Variants in ITPR1 observed in about 807,000 individuals in gnomAD.
ITPR1 encodes the protein inositol 1,4,5-trisphosphate-gated calcium channel ITPR1.
Under a neutral mutation model 318.4 loss-of-function variants are expected in ITPR1, and 96 were observed. The observed-to-expected ratio is 0.30, with a 90% CI of 0.26 to 0.36. The LOEUF (loss-of-function observed/expected upper bound fraction) is 0.36, where lower values mean the gene tolerates loss of function less well. Ranked by LOEUF, ITPR1 falls within the 10% of genes least tolerant of loss-of-function variation. The probability of loss-of-function intolerance (pLI) is 1.00; values close to 1 mark genes in which losing one functional copy is unlikely to be tolerated. For synonymous variants in ITPR1, 1,312 were observed against 1,289.9 expected, an observed-to-expected ratio of 1.02 and a Z score of -0.37; for missense variants, 2,440 against 3,460.2, an observed-to-expected ratio of 0.71 and a Z score of 7.40.
At chr3:4,719,305 A>G (rs2041984381) in intron 40 of ITPR1, among the ~76,000 whole-genome samples, 1 of 152,246 alleles carries the variant, frequency 6.6e-6, no homozygotes, top group Non-Finnish European at 1.5e-5. Flanking sequence ...TGGGACACCG[A>G]TGCCCTGTCC....
At position 4,551,926 on chromosome 3, in the gene ITPR1, A is replaced by G. The variant is rs1242934817; in HGVS notation, c.163+30832A>G. 3.3e-5 allele frequency among the ~76,000 whole-genome samples: 5 copies of G among 152,168 alleles called. No individual in the cohort carries two copies. In the South Asian group the frequency reaches 6.2e-4, roughly 19 times the overall value. On this transcript the variant is annotated intron_variant, in intron 4 of 61. Transcript: ENST00000649015. ...TTTAATAGAAAAGATAATTTGATTGACTCTAACGAACATTTATTACATATG... is the reference window on the plus strand; with the variant it reads ...TTTAATAGAAAAGATAATTTGATTGGCTCTAACGAACATTTATTACATATG...
chr3:4,837,004 C>G, intron 61 of ITPR1, 69 bp downstream of exon 61: 1 of 1,331,404 alleles, frequency 7.5e-7, no homozygotes, highest in Non-Finnish European at 1.0e-6. Context: ...ATCACCACAC[C>G]AAATCTGATG....
chr3:4,561,511 C>T (rs1006579520), intron 4 of ITPR1, among the ~76,000 whole-genome samples: 17 of 152,018 alleles, frequency 1.1e-4, no homozygotes, highest in African/African-American at 2.2e-4. Context: ...GTCCTAAGAA[C>T]GAAACTCACT....
intron 4 of ITPR1, among the ~76,000 whole-genome samples, chr3:4,620,389 C>T (rs986424277): frequency 6.6e-6 from 1 of 152,198 alleles, no homozygotes; most frequent in Admixed American, 6.5e-5. Context: ...ACACAGGGGT[C>T]TGACTGCTCT....
chr3:4,710,781 G>T lies in ITPR1; in HGVS notation c.4991+308G>T, dbSNP rs1029545340. On this transcript the variant is annotated intron_variant, in intron 38 of 61. Transcript: ENST00000649015. The surrounding 1 kb of genome is among the most constrained non-coding windows in gnomAD (Gnocchi z 4.2). ...TGTGGTACAGACATAAAAAAGCCAT[G>T]ATCCCTCAGCCCTCAGAAATCTCAG... Among the ~76,000 whole-genome samples, 1 of 152,168 alleles carries T rather than the reference G, an allele frequency of 6.6e-6. No homozygotes were observed. Among genetic ancestry groups the T allele is most frequent in the African/African-American group, 2.4e-5 (1 of 41,432 alleles).
At chr3:4,796,088 T>G (rs965370427) in intron 53 of ITPR1, among the ~76,000 whole-genome samples, 8 of 152,148 alleles carry the variant, frequency 5.3e-5, no homozygotes. Context: ...CTCCACTCTT[T>G]AGCTTAATCA....
chr3:4,609,051 A>ATATATATATATATAT (rs2091904931), intron 4 of ITPR1, among the ~76,000 whole-genome samples: 1 of 46,540 alleles, frequency 2.1e-5, no homozygotes, highest in African/African-American at 5.4e-5. Context: ...ACAACAACGA[A>ATATATATATATATAT]ATATATATAT....
chr3:4,755,145 G>C (rs1367017508), intron 44 of ITPR1, among the ~76,000 whole-genome samples: 2 of 151,590 alleles, frequency 1.3e-5, no homozygotes, highest in African/African-American at 4.9e-5. Flanking sequence ...ACACCATCAG[G>C]GGCTTCCTAC....
At chr3:4,513,281 C>T (rs1201408154) in intron 2 of ITPR1, among the ~76,000 whole-genome samples, 1 of 152,210 alleles carries the variant, frequency 6.6e-6, no homozygotes, top group Non-Finnish European at 1.5e-5. Flanking sequence ...CAGGACATCA[C>T]TGATAATTGC....
chr3:4,674,069 G>A, intron 21 of ITPR1, 133 bp from the exon 22 acceptor site: 1 of 652,108 alleles, frequency 1.5e-6, no homozygotes, highest in South Asian at 2.1e-5. Context: ...ATATGCTAAG[G>A]AGGGAAAAAA....
At chr3:4,653,778 A>C (rs1449653705) in intron 11 of ITPR1, 64 bp from the exon 12 acceptor site, 7 of 1,217,168 alleles carry the variant, frequency 5.8e-6, no homozygotes, top group Non-Finnish European at 7.2e-6. Context: ...GTCTCCTGCA[A>C]GTGGGGCCCA....
chr3:4,807,154 AAG>A (rs1332601493), intron 55 of ITPR1, among the ~76,000 whole-genome samples: 2 of 17,880 alleles, frequency 1.1e-4, no homozygotes, highest in Admixed American at 1.8e-3. Flanking sequence ...GGGACTTACA[AAG>A]AGAGGGGGGC....
chr3:4,583,494 A>G (rs1287457218), intron 4 of ITPR1, among the ~76,000 whole-genome samples: 1 of 152,082 alleles, frequency 6.6e-6, no homozygotes, highest in African/African-American at 2.4e-5. Context: ...TCCTTGGCAA[A>G]ATGTTTTTCC....
intron 7 of ITPR1, among the ~76,000 whole-genome samples, chr3:4,643,386 T>G (rs2093381327): frequency 6.6e-6 from 1 of 152,228 alleles, no homozygotes; most frequent in Non-Finnish European, 1.5e-5. Flanking sequence ...TCCTTTGGTT[T>G]CCTATCCTTT....
chr3:4,816,867 C>G (rs1160992008), intron 59 of ITPR1, among the ~76,000 whole-genome samples: 1 of 152,084 alleles, frequency 6.6e-6, no homozygotes, highest in African/African-American at 2.4e-5. Flanking sequence ...TGATGGTTGC[C>G]CAATGATGAT....
chr3:4,753,432 G>A (rs999033262), intron 44 of ITPR1, among the ~76,000 whole-genome samples: 7 of 152,240 alleles, frequency 4.6e-5, no homozygotes, highest in Non-Finnish European at 8.8e-5. Context: ...TGCTCTAACC[G>A]CTTGGCCATC....
intron 4 of ITPR1, among the ~76,000 whole-genome samples, chr3:4,579,613 C>T (rs965202936): frequency 5.3e-5 from 8 of 152,068 alleles, no homozygotes; most frequent in Non-Finnish European, 7.4e-5. Context: ...TGGTGGTTTC[C>T]CTTTAAACAA....
At chr3:4,774,664 A>AT (rs1415150291) in intron 46 of ITPR1, among the ~76,000 whole-genome samples, 1 of 152,194 alleles carries the variant, frequency 6.6e-6, no homozygotes, top group Non-Finnish European at 1.5e-5. Context: ...ACACCTGCTC[A>AT]GGCACATGCA....
At chr3:4,567,607 T>C (rs866576537) in intron 4 of ITPR1, among the ~76,000 whole-genome samples, 9 of 140,792 alleles carry the variant, frequency 6.4e-5, no homozygotes, top group South Asian at 2.6e-4. Flanking sequence ...GAGCTAGTTT[T>C]TTTTGGTTTC....
Sources: allele counts gnomAD v4.1 joint callset (sites outside exome capture counted in the v4.1 genomes callset), GRCh38; gene constraint gnomAD v4.1.1; non-coding constraint Gnocchi (gnomAD v3.1); transcripts MANE v1.5; gene names NCBI Gene and HGNC (gene_info 2026-07-23, HGNC 2026-07-21).